LRRC37A2: variants seen among roughly 807,000 people sequenced by gnomAD.
LRRC37A2 encodes the protein leucine-rich repeat-containing protein 37A2.
Under a neutral mutation model 68.8 loss-of-function variants are expected in LRRC37A2, and 9 were observed. The ratio of observed to expected loss-of-function variants is 0.13; its 90% CI spans 0.08 to 0.23. The LOEUF (loss-of-function observed/expected upper bound fraction) is 0.23, where lower values mean the gene tolerates loss of function less well. Ranked by LOEUF, LRRC37A2 falls within the 10% of genes least tolerant of loss-of-function variation. The pLI is 1.00. For missense variants in LRRC37A2, 168 were observed against 950.4 expected (o/e 0.18, Z 10.82); for synonymous variants, 63 against 367.6 (o/e 0.17, Z 9.48).
chr17:46,740,795 G>A, the LRRC37A2 span, among the ~76,000 whole-genome samples: 2 of 151,840 alleles, frequency 1.3e-5, no homozygotes, highest in African/African-American at 4.8e-5. Context: ...ACAAGTAGCT[G>A]GGATTACAGG....
At chr17:46,738,849 C>T in the LRRC37A2 span, among the ~76,000 whole-genome samples, 2 of 152,288 alleles carry the variant, frequency 1.3e-5, no homozygotes, top group African/African-American at 4.8e-5. Flanking sequence ...CGCCTATAAT[C>T]CCAGCACTTT....
At chr17:46,759,825 TA>T in the LRRC37A2 span, among the ~76,000 whole-genome samples, 2 of 152,206 alleles carry the variant, frequency 1.3e-5, no homozygotes, top group Non-Finnish European at 1.5e-5. Context: ...CTTCATAAAA[TA>T]ATATTGCTTT....
chr17:46,458,531 CT>C, the LRRC37A2 span, among the ~76,000 whole-genome samples: 688 of 39,922 alleles, frequency 0.017, 4 homozygotes, highest in African/African-American at 0.063. Flanking sequence ...TCTTCTTCTT[CT>C]TTTTTTTTTT....
chr17:46,931,210 A>G, the LRRC37A2 span: 62 of 1,324,192 alleles, frequency 4.7e-5, no homozygotes, highest in Admixed American at 4.9e-4. Flanking sequence ...GCCAGACTGT[A>G]AGTGCTGACC....
the LRRC37A2 span, chr17:46,931,419 G>A: frequency 1.7e-6 from 1 of 593,778 alleles, no homozygotes. Context: ...CAGAAACCTT[G>A]TGACCCCTTA....
the LRRC37A2 span, among the ~76,000 whole-genome samples, chr17:46,725,693 T>C: frequency 6.6e-6 from 1 of 152,076 alleles, no homozygotes; most frequent in Non-Finnish European, 1.5e-5. Flanking sequence ...CCAAGCAAGA[T>C]GTTGGTGCGG....
At chr17:46,880,947 G>T in the LRRC37A2 span, among the ~76,000 whole-genome samples, 160 of 152,154 alleles carry the variant, frequency 1.1e-3, no homozygotes, top group Non-Finnish European at 1.9e-3. Flanking sequence ...AGCCAACCAG[G>T]GGCCTTCAGG....
the LRRC37A2 span, among the ~76,000 whole-genome samples, chr17:46,971,732 C>T: frequency 2.6e-5 from 4 of 152,194 alleles, no homozygotes; most frequent in Non-Finnish European, 5.9e-5. Flanking sequence ...GTCCTGCACC[C>T]CGACCTGCCT....
chr17:47,024,644 G>C, the LRRC37A2 span: 4 of 1,016,464 alleles, frequency 3.9e-6, no homozygotes, highest in Non-Finnish European at 6.3e-6. Context: ...GTTGTAGTTT[G>C]CATTTTAATC....
the LRRC37A2 span, among the ~76,000 whole-genome samples, chr17:46,739,980 C>G: frequency 6.6e-6 from 1 of 152,076 alleles, no homozygotes; most frequent in African/African-American, 2.4e-5. Flanking sequence ...GATTACAGGC[C>G]TGGCCTGATT....
the LRRC37A2 span, among the ~76,000 whole-genome samples, chr17:46,784,862 A>G: frequency 0.042 from 5,882 of 138,488 alleles, 392 homozygotes; most frequent in African/African-American, 0.15. Context: ...TGCAAGCTCC[A>G]CCTCCCGGGT....
chr17:46,988,997 G>A, the LRRC37A2 span, among the ~76,000 whole-genome samples: 1 of 152,184 alleles, frequency 6.6e-6, no homozygotes, highest in African/African-American at 2.4e-5. Context: ...GGACACTGTG[G>A]ACGCAGGTCA....
chr17:46,887,437 A>G, the LRRC37A2 span, among the ~76,000 whole-genome samples: 1 of 152,124 alleles, frequency 6.6e-6, no homozygotes, highest in Admixed American at 6.6e-5. Context: ...CATTAAAAAA[A>G]AAAAATCTCT....
the LRRC37A2 span, among the ~76,000 whole-genome samples, chr17:46,898,528 G>A: frequency 1.3e-5 from 2 of 152,308 alleles, no homozygotes; most frequent in East Asian, 3.9e-4. Context: ...TGTATGTGAG[G>A]AGGGCACAAG....
the LRRC37A2 span, chr17:46,941,031 T>A: frequency 9.1e-7 from 1 of 1,095,336 alleles, no homozygotes; most frequent in Admixed American, 4.5e-5. Flanking sequence ...AATTCTTAGG[T>A]CGAGCTGATG....
At chr17:46,740,661 T>C in the LRRC37A2 span, among the ~76,000 whole-genome samples, 1 of 151,394 alleles carries the variant, frequency 6.6e-6, no homozygotes, top group African/African-American at 2.4e-5. Context: ...TTTATCTTTT[T>C]CTTTTTTTTT....
At chr17:46,963,841 G>A in the LRRC37A2 span, 7 of 152,132 alleles carry the variant, frequency 4.6e-5, no homozygotes, top group Admixed American at 6.6e-5. Flanking sequence ...AAAGAGAATA[G>A]CATCTTGCTC....
At chr17:46,935,323 G>A in the LRRC37A2 span, 8 of 1,511,164 alleles carry the variant, frequency 5.3e-6, no homozygotes, top group Non-Finnish European at 7.1e-6. Flanking sequence ...TTCTGTTGGA[G>A]TTGAGTTATT....
the LRRC37A2 span, among the ~76,000 whole-genome samples, chr17:46,890,333 CG>C: frequency 6.6e-6 from 1 of 152,192 alleles, no homozygotes; most frequent in Non-Finnish European, 1.5e-5. Flanking sequence ...AGGAAGAATT[CG>C]GGTCTGTGAG....
Sources: allele counts gnomAD v4.1 joint callset (sites outside exome capture counted in the v4.1 genomes callset), GRCh38; gene constraint gnomAD v4.1.1; transcripts MANE v1.5; gene names NCBI Gene and HGNC (gene_info 2026-07-23, HGNC 2026-07-21).